Variants in DLG2 observed in about 807,000 individuals in gnomAD.
The protein encoded by DLG2 is discs large MAGUK scaffold protein 2, also known as disks large homolog 2.
DLG2 carries 45 observed loss-of-function variants against 132.5 expected under a neutral mutation model. That is an observed-to-expected ratio of 0.34 (90% confidence interval 0.27 to 0.44). The LOEUF (loss-of-function observed/expected upper bound fraction) is 0.44. Among genes scored for constraint, DLG2 ranks in the 20% least tolerant of loss-of-function variants. The probability of loss-of-function intolerance (pLI) is 1.00; values close to 1 mark genes in which losing one functional copy is unlikely to be tolerated. For synonymous variants in DLG2, 424 were observed against 419.6 expected (o/e 1.01, Z -0.13); for missense variants, 1,045 against 1,196.9 (o/e 0.87, Z 1.87).
At chr11:83,516,709 G>A (rs1464484106) in intron 21 of DLG2, among the ~76,000 whole-genome samples, 1 of 152,130 alleles carries the variant, frequency 6.6e-6, no homozygotes, top group Admixed American at 6.5e-5. Flanking sequence ...AGCTCTTGTA[G>A]GGCAGGCCTG....
At chr11:84,550,435 G>T (rs1401791337) in intron 6 of DLG2, among the ~76,000 whole-genome samples, 1 of 152,012 alleles carries the variant, frequency 6.6e-6, no homozygotes, top group Non-Finnish European at 1.5e-5. Context: ...TCTCTGTCCA[G>T]CAGGCAGAGA....
chr11:84,840,184 T>A (rs2080438070), intron 6 of DLG2, among the ~76,000 whole-genome samples: 1 of 152,070 alleles, frequency 6.6e-6, no homozygotes, highest in Non-Finnish European at 1.5e-5. Flanking sequence ...GGAAAGGATA[T>A]GAACAGGTGC....
At chr11:85,257,395 C>T (rs1410520697) in intron 4 of DLG2, among the ~76,000 whole-genome samples, 1 of 152,122 alleles carries the variant, frequency 6.6e-6, no homozygotes, top group Non-Finnish European at 1.5e-5. Flanking sequence ...CATAATCTAG[C>T]TATTTATAAG....
chr11:85,414,017 T>C (rs965195904), intron 3 of DLG2, among the ~76,000 whole-genome samples: 1 of 152,148 alleles, frequency 6.6e-6, no homozygotes, highest in Non-Finnish European at 1.5e-5. Context: ...ATATTGATTC[T>C]ACCCATTCAT....
At chr11:84,518,016 T>C (rs566419864) in intron 7 of DLG2, among the ~76,000 whole-genome samples, 2 of 148,742 alleles carry the variant, frequency 1.3e-5, no homozygotes, top group South Asian at 4.4e-4. Context: ...GGAGGAGGAG[T>C]TGTGGAGATG....
rs1229169928 is a variant in DLG2, at chr11:84,717,381, AT to A, written c.358-182651del. Among the ~76,000 whole-genome samples, 3 of 152,054 alleles carry A rather than the reference AT, an allele frequency of 2.0e-5. No homozygotes were observed. In the East Asian group the frequency reaches 5.8e-4, roughly 29 times the overall value. The stretch of plus-strand genomic sequence containing the variant: ...GATTCAATGAAAATCCTTATTTTAT[AT>A]TTTTTTCTTAAATCAATATTGTAAG... On this transcript the variant is annotated intron_variant, in intron 6 of 27. Coordinates refer to ENST00000376104, the MANE Select transcript of DLG2 (RefSeq NM_001142699.3).
intron 4 of DLG2, among the ~76,000 whole-genome samples, chr11:85,209,470 GAC>G (rs1386378056): frequency 3.1e-3 from 25 of 7,986 alleles, no homozygotes; most frequent in Non-Finnish European, 0.016. Flanking sequence ...TTTTTTTTGA[GAC>G]AGAGACTTTC....
chr11:84,192,169 A>T (rs73517787), intron 8 of DLG2, among the ~76,000 whole-genome samples: 6,292 of 152,132 alleles, frequency 0.041, 176 homozygotes, highest in Non-Finnish European at 0.059. Context: ...ACCCCAAGGT[A>T]AAAAATAAGG....
chr11:83,810,231 T>C (rs560833015), intron 17 of DLG2, among the ~76,000 whole-genome samples: 133 of 152,176 alleles, frequency 8.7e-4, no homozygotes, highest in African/African-American at 3.1e-3. Context: ...AAAACTTGTA[T>C]TTAGCTGCCT....
rs2081276946 is a variant in DLG2 at position 85,199,182 on chromosome 11, A to G, written c.187-44531T>C. ...TAACTCTTCAATAGATCAAGTTGTGATATATTTATATAATGTAATACTACT... is the reference window on the plus strand; with the variant it reads ...TAACTCTTCAATAGATCAAGTTGTGGTATATTTATATAATGTAATACTACT... On this transcript the variant is annotated intron_variant, in intron 4 of 27. Transcript: ENST00000376104. Among the ~76,000 whole-genome samples the G allele has an allele frequency of 2.0e-5, 3 of 152,194 alleles. 1 individual carries two copies. In the South Asian group the frequency reaches 6.2e-4, roughly 31 times the overall value.
intron 22 of DLG2, among the ~76,000 whole-genome samples, chr11:83,478,062 A>T (rs2092764133): frequency 6.6e-6 from 1 of 152,036 alleles, no homozygotes; most frequent in Admixed American, 6.6e-5. Context: ...GCACTTTTTC[A>T]TTTATTTATA....
intron 7 of DLG2, among the ~76,000 whole-genome samples, chr11:84,303,204 T>A (rs1042466924): frequency 6.6e-6 from 1 of 151,920 alleles, no homozygotes; most frequent in African/African-American, 2.4e-5. Flanking sequence ...AGAGATTGAG[T>A]AAAATAGATT....
At chr11:84,535,560 A>C (rs1431743602) in intron 6 of DLG2, among the ~76,000 whole-genome samples, 1 of 152,160 alleles carries the variant, frequency 6.6e-6, no homozygotes, top group Non-Finnish European at 1.5e-5. Context: ...GCAGAGAAAA[A>C]AAAAGGTTCA....
At chr11:85,610,880 C>T (rs113167360) in intron 2 of DLG2, among the ~76,000 whole-genome samples, 27 of 152,310 alleles carry the variant, frequency 1.8e-4, no homozygotes, top group African/African-American at 6.3e-4. Flanking sequence ...GAATCACGGG[C>T]TTTTGCCGAC....
At chr11:84,480,141 C>T (rs2099132794) in intron 7 of DLG2, among the ~76,000 whole-genome samples, 1 of 152,170 alleles carries the variant, frequency 6.6e-6, no homozygotes, top group African/African-American at 2.4e-5. Flanking sequence ...TCATTACACT[C>T]CTTAGCAACC....
intron 7 of DLG2, among the ~76,000 whole-genome samples, chr11:84,342,225 ACT>A (rs915161852): frequency 6.6e-6 from 1 of 152,014 alleles, no homozygotes; most frequent in African/African-American, 2.4e-5. Context: ...TAACAATCAG[ACT>A]CTAGATCCCA....
intron 3 of DLG2, among the ~76,000 whole-genome samples, chr11:85,380,401 G>A (rs892907119): frequency 2.6e-5 from 4 of 152,208 alleles, no homozygotes; most frequent in Non-Finnish European, 5.9e-5. Context: ...GCTCATGCCT[G>A]TAATTCCAGC....
chr11:84,732,832 T>A (rs911436248), intron 6 of DLG2, among the ~76,000 whole-genome samples: 2 of 141,652 alleles, frequency 1.4e-5, no homozygotes, highest in Admixed American at 7.0e-5. Flanking sequence ...GATGTTCCCC[T>A]TCCTGTGTCC....
intron 6 of DLG2, among the ~76,000 whole-genome samples, chr11:85,014,794 G>T (rs2059432720): frequency 6.6e-6 from 1 of 152,068 alleles, no homozygotes; most frequent in Non-Finnish European, 1.5e-5. Flanking sequence ...CCTGTCCAGG[G>T]TACCTGTCTT....
Sources: gnomAD v4.1 joint callset for allele counts (sites outside exome capture counted in the v4.1 genomes callset) on GRCh38, gnomAD v4.1.1 for gene constraint, MANE v1.5 for transcripts, NCBI Gene and HGNC (gene_info 2026-07-23, HGNC 2026-07-21) for gene names.